Variants in SLC30A9 observed in about 807,000 individuals in gnomAD.
The protein encoded by SLC30A9 is solute carrier family 30 member 9, also known as proton-coupled zinc antiporter SLC30A9, mitochondrial.
In SLC30A9, 58 loss-of-function variants were observed where a neutral mutation model predicts 87.5. The ratio of observed to expected loss-of-function variants is 0.66; its 90% CI spans 0.54 to 0.82. The LOEUF is 0.82. Ranked by LOEUF, SLC30A9 falls within the 40% of genes least tolerant of loss-of-function variation. The pLI is 0.00. For missense variants in SLC30A9, 557 were observed against 679.1 expected, an observed-to-expected ratio of 0.82 and a Z score of 2.00; for synonymous variants, 234 against 233.0, an observed-to-expected ratio of 1.00 and a Z score of -0.04.
intron 6 of SLC30A9, among the ~76,000 whole-genome samples, chr4:42,025,372 A>G (rs755149139): frequency 6.6e-6 from 1 of 152,158 alleles, no homozygotes; most frequent in Non-Finnish European, 1.5e-5. Flanking sequence ...ATGTTCTCAA[A>G]TAGCTTTAAT....
intron 1 of SLC30A9, among the ~76,000 whole-genome samples, chr4:41,994,940 T>G (rs1257618719): frequency 4.0e-5 from 6 of 151,762 alleles, no homozygotes; most frequent in Admixed American, 1.3e-4. Flanking sequence ...CTTAGTCTGA[T>G]TAAGAGAGCA....
intron 17 of SLC30A9, among the ~76,000 whole-genome samples, chr4:42,080,168 C>T (rs911378771): frequency 2.6e-5 from 4 of 152,076 alleles, no homozygotes; most frequent in Non-Finnish European, 5.9e-5. Context: ...CTGGTAGAAA[C>T]CAAATCAATG....
At chr4:42,076,960 T>A (rs1158727825) in intron 16 of SLC30A9, among the ~76,000 whole-genome samples, 2 of 5,582 alleles carry the variant, frequency 3.6e-4, no homozygotes, top group African/African-American at 8.5e-4. Context: ...AGACTCCGTC[T>A]CAAAAAAAAA....
intron 6 of SLC30A9, among the ~76,000 whole-genome samples, chr4:42,026,586 T>G (rs1029204461): frequency 2.0e-5 from 3 of 152,214 alleles, no homozygotes; most frequent in Admixed American, 2.0e-4. Context: ...AATTTATTTT[T>G]TAGTGTTCCT....
At chr4:42,035,364 T>G (rs773719372) in intron 7 of SLC30A9, 31 bp downstream of exon 7, 28 of 1,596,290 alleles carry the variant, frequency 1.8e-5, no homozygotes, top group Non-Finnish European at 2.4e-5. Flanking sequence ...ATGTGTGTGT[T>G]TGTGTTGCAC....
intron 6 of SLC30A9, among the ~76,000 whole-genome samples, chr4:42,030,872 C>T (rs142074583): frequency 3.2e-3 from 488 of 152,248 alleles, no homozygotes; most frequent in Admixed American, 4.6e-3. Flanking sequence ...TCTGGATTTG[C>T]CCATCACTTT....
chr4:42,001,596 A>G lies in SLC30A9; in HGVS notation c.110-20A>G. ...CTAGGACTTGGTTTGAAATTAAAGT[A>G]TATATATTTTTTCTTTTAGAGTGGC... On this transcript the variant is annotated intron_variant, in intron 1 of 17. Transcript: ENST00000264451. 4 of 1,506,452 alleles carry G rather than the reference A, an allele frequency of 2.7e-6. No homozygotes were observed. The highest frequency in any genetic ancestry group is 2.7e-6 in the Non-Finnish European group (3 of 1,094,320). The allele number at this position is 1,506,452 out of a possible 1,614,324, so 93.3% of individuals were successfully genotyped here. A position where few individuals can be genotyped will look rare whatever the true frequency, so the allele number is the denominator to read the frequency against.
At position 42,070,514 on chromosome 4, in the gene SLC30A9, T is replaced by C; in HGVS notation, c.1253-12T>C. The C allele has an allele frequency of 1.2e-6, 2 of 1,600,292 alleles. No homozygotes were observed. The highest frequency in any genetic ancestry group is 1.7e-6 in the Non-Finnish European group (2 of 1,171,762). On this transcript the variant is annotated splice_polypyrimidine_tract_variant and intron_variant, in intron 14 of 17. Transcript: ENST00000264451. ...CTGTTAATTTACTGATTTTTTTATG[T>C]GCTTCATTTAGGCAATCCACTGTAT...
intron 2 of SLC30A9, among the ~76,000 whole-genome samples, chr4:42,005,699 A>C (rs933415217): frequency 1.3e-5 from 2 of 152,166 alleles, no homozygotes; most frequent in Non-Finnish European, 2.9e-5. Flanking sequence ...TTCTGCTTTC[A>C]CTTCATTTTT....
chr4:42,046,126 T>C lies in SLC30A9; in HGVS notation c.738-3251T>C, dbSNP rs562845965. On this transcript the variant is annotated intron_variant, in intron 8 of 17. Transcript: ENST00000264451. ...ATTTATGACAAACCCACAGCCAATA[T>C]CATACTGAATGGGCAGTAGCTGGAA... is the stretch of plus-strand genomic sequence containing the variant. 3.9e-5 allele frequency among the ~76,000 whole-genome samples: 6 copies of C among 152,246 alleles called. No individual in the cohort carries two copies. In the East Asian group the frequency reaches 1.2e-3, roughly 29 times the overall value.
At chr4:42,085,304 A>G (rs1331695001) in intron 17 of SLC30A9, among the ~76,000 whole-genome samples, 1 of 152,218 alleles carries the variant, frequency 6.6e-6, no homozygotes. Flanking sequence ...TATTTAGTAC[A>G]GTGTAATAGG....
At chr4:42,042,880 A>G (rs1021243119) in intron 8 of SLC30A9, among the ~76,000 whole-genome samples, 2 of 152,204 alleles carry the variant, frequency 1.3e-5, no homozygotes, top group Admixed American at 6.5e-5. Flanking sequence ...AGAGGAAGGA[A>G]CAGGCAGCAA....
In SLC30A9 at chr4:42,052,980, A is replaced by G. The variant is rs563642245; in HGVS notation, c.840+3501A>G. Among the ~76,000 whole-genome samples, 104 of 152,340 alleles carry G rather than the reference A, an allele frequency of 6.8e-4. No homozygotes were observed. In the South Asian group the frequency reaches 0.011, roughly 17 times the overall value. ...TAGTCACAAAGCATTCTGACAAGGG[A>G]CTGGTATCCAGGATTAAGAAATTCC... On this transcript the variant is annotated intron_variant, in intron 9 of 17. Transcript: ENST00000264451.
intron 8 of SLC30A9, among the ~76,000 whole-genome samples, chr4:42,039,866 A>G (rs114781939): frequency 7.1e-4 from 107 of 151,350 alleles, no homozygotes; most frequent in Non-Finnish European, 1.1e-3. Flanking sequence ...TCATTCAATA[A>G]TTCATTAGTT....
At chr4:42,041,985 A>T (rs1315198721) in intron 8 of SLC30A9, among the ~76,000 whole-genome samples, 1 of 152,122 alleles carries the variant, frequency 6.6e-6, no homozygotes, top group Non-Finnish European at 1.5e-5. Context: ...TAGCCAAGGG[A>T]AGCCATGAGG....
intron 17 of SLC30A9, among the ~76,000 whole-genome samples, chr4:42,083,232 T>C (rs753612219): frequency 6.6e-6 from 1 of 152,220 alleles, no homozygotes; most frequent in East Asian, 1.9e-4. Context: ...ATCTGCAGCA[T>C]TGTAAAATAA....
chr4:42,029,321 T>C (rs1716321754), intron 6 of SLC30A9: 2 of 525,582 alleles, frequency 3.8e-6, no homozygotes, highest in Non-Finnish European at 7.6e-6. Context: ...ATCATTCTAT[T>C]CTACATAATA....
chr4:42,022,793 TA>T (rs1716027608), intron 4 of SLC30A9, 44 bp from the exon 5 acceptor site: 18 of 1,134,230 alleles, frequency 1.6e-5, no homozygotes, highest in Non-Finnish European at 2.6e-6. Context: ...GTATATAAAC[TA>T]TATGCACTTT....
intron 2 of SLC30A9, among the ~76,000 whole-genome samples, chr4:42,008,147 CTTG>C (rs1715293923): frequency 6.6e-6 from 1 of 152,162 alleles, no homozygotes; most frequent in Admixed American, 6.5e-5. Flanking sequence ...AAATGGCAAG[CTTG>C]TTGTTATAGG....
Sources: gnomAD v4.1 joint callset for allele counts (sites outside exome capture counted in the v4.1 genomes callset) on GRCh38, gnomAD v4.1.1 for gene constraint, MANE v1.5 for transcripts, NCBI Gene and HGNC (gene_info 2026-07-23, HGNC 2026-07-21) for gene names.